ACKR2: variants seen among roughly 807,000 people sequenced by gnomAD.
ACKR2 encodes the protein C-C chemokine receptor D6.
For missense variants in ACKR2, 457 were observed against 477.3 expected (o/e 0.96, Z 0.40); for synonymous variants, 207 against 192.2 (o/e 1.08, Z -0.64).
At chr3:42,846,699 T>C (rs1701101376) in intron 2 of ACKR2, among the ~76,000 whole-genome samples, 2 of 152,126 alleles carry the variant, frequency 1.3e-5, no homozygotes, top group African/African-American at 4.8e-5. Flanking sequence ...GGTGGAGTCT[T>C]TGTATAAGAA....
chr3:42,840,696 G>GT (rs1361986540), intron 2 of ACKR2, among the ~76,000 whole-genome samples: 1 of 151,950 alleles, frequency 6.6e-6, no homozygotes, highest in African/African-American at 2.4e-5. Context: ...GTTTTGTTTT[G>GT]TTTTTTGTTG....
rs968834956 is a variant in ACKR2 at position 42,813,870 on chromosome 3, G to A, written c.-119+4338G>A. Among the ~76,000 whole-genome samples the A allele has an allele frequency of 2.6e-5, 4 of 152,328 alleles. No individual in the cohort carries two copies. The East Asian group carries it at 7.7e-4, about 29-fold the overall frequency. ...GATGGAATTTGTTCCATGGTGAGCT[G>A]TTTTTAAGTTTTCGCAGTATCATTA... is the stretch of plus-strand genomic sequence containing the variant. On this transcript the variant is annotated intron_variant, in intron 1 of 2. Transcript: ENST00000422265.
rs1489578142 is a variant in ACKR2 at position 42,865,568 on chromosome 3, C to G, written c.1066C>G (p.Gln356Glu). The change falls in exon 3 of 3, where the codon CAA becomes GAA. Residue 356 changes from glutamine to glutamate, a missense_variant. Transcript: ENST00000422265. ...SCSESSILTA[Q>E]EEMTGMNDLG... ...TTCTGAGAGCAGCATACTTACTGCCCAAGAGGAAATGACTGGCATGAATGA... is the reference window on the plus strand; with the variant it reads ...TTCTGAGAGCAGCATACTTACTGCCGAAGAGGAAATGACTGGCATGAATGA... 6.2e-7 allele frequency: 1 copy of G among 1,614,138 alleles called. No homozygotes were observed. The highest frequency in any genetic ancestry group is 1.7e-5 in the Admixed American group (1 of 60,020).
intron 2 of ACKR2, among the ~76,000 whole-genome samples, chr3:42,836,911 G>T (rs1700991951): frequency 6.6e-6 from 1 of 152,226 alleles, no homozygotes; most frequent in East Asian, 1.9e-4. Flanking sequence ...CTACCAGGAA[G>T]GTCCTTCTTC....
At chr3:42,833,898 T>C (rs888880891) in intron 2 of ACKR2, among the ~76,000 whole-genome samples, 7 of 152,226 alleles carry the variant, frequency 4.6e-5, no homozygotes, top group African/African-American at 1.7e-4. Context: ...ACAGGATGTG[T>C]TCACTTTGTG....
Position 42,831,030 on chromosome 3 carries a change from CAAA to C in ACKR2, c.-38+11325_-38+11327del, listed in dbSNP as rs201837698. On this transcript the variant is annotated intron_variant, in intron 2 of 2. Coordinates refer to ENST00000422265, the MANE Select transcript of ACKR2 (RefSeq NM_001296.5). ...TAATTTTCTGAAATTAAACTTCAGG[CAAA>C]AAAAATAAAAAAAAAGAGAAGAAAA... Among the ~76,000 whole-genome samples, 5 of 146,280 alleles carry C rather than the reference CAAA, an allele frequency of 3.4e-5. No homozygotes were observed. In the East Asian group the frequency reaches 9.8e-4, roughly 29 times the overall value.
intron 1 of ACKR2, among the ~76,000 whole-genome samples, chr3:42,816,188 T>TTGTG (rs1700747240): frequency 1.0e-5 from 1 of 99,786 alleles, no homozygotes; most frequent in African/African-American, 4.3e-5. Context: ...ATTGATAGTT[T>TTGTG]CGTGTGTGTG....
At chr3:42,836,595 G>T (rs952210243) in intron 2 of ACKR2, among the ~76,000 whole-genome samples, 1 of 152,210 alleles carries the variant, frequency 6.6e-6, no homozygotes, top group East Asian at 1.9e-4. Flanking sequence ...ACTCTGTGGG[G>T]CTCTAGACCA....
intron 2 of ACKR2, among the ~76,000 whole-genome samples, chr3:42,847,092 C>T (rs955474601): frequency 5.3e-5 from 8 of 152,184 alleles, no homozygotes; most frequent in Non-Finnish European, 1.0e-4. Flanking sequence ...CCTGGCCTAA[C>T]CCACAAAGCA....
At chr3:42,849,753 CTG>C (rs1189126950) in intron 2 of ACKR2, among the ~76,000 whole-genome samples, 5 of 152,156 alleles carry the variant, frequency 3.3e-5, no homozygotes, top group African/African-American at 9.7e-5. Flanking sequence ...GGCTGAAACT[CTG>C]TAATTGGCAC....
chr3:42,849,430 A>T (rs1258034315), intron 2 of ACKR2, among the ~76,000 whole-genome samples: 2 of 152,090 alleles, frequency 1.3e-5, no homozygotes, highest in Admixed American at 1.3e-4. Context: ...CCTGGGAGGC[A>T]CAGGTTGCAG....
At chr3:42,840,854 A>AT (rs1431676211) in intron 2 of ACKR2, among the ~76,000 whole-genome samples, 3 of 151,956 alleles carry the variant, frequency 2.0e-5, no homozygotes, top group African/African-American at 4.8e-5. Context: ...CGTCTGGCTA[A>AT]TTTTTTTGTA....
chr3:42,823,892 T>G (rs1700835526), intron 2 of ACKR2, among the ~76,000 whole-genome samples: 1 of 152,182 alleles, frequency 6.6e-6, no homozygotes, highest in African/African-American at 2.4e-5. Flanking sequence ...TAGATCTGAG[T>G]TTTAGAACAC....
chr3:42,822,022 C>T (rs374970811), intron 2 of ACKR2, among the ~76,000 whole-genome samples: 2 of 152,064 alleles, frequency 1.3e-5, no homozygotes, highest in East Asian at 1.9e-4. Flanking sequence ...TCTTCTCTTT[C>T]CCCTGTCAGA....
At chr3:42,836,929 C>G (rs947217078) in intron 2 of ACKR2, among the ~76,000 whole-genome samples, 1 of 152,256 alleles carries the variant, frequency 6.6e-6, no homozygotes, top group Non-Finnish European at 1.5e-5. Flanking sequence ...TTCCCCACCT[C>G]TGATCACCGT....
chr3:42,854,150 T>C (rs764888198), intron 2 of ACKR2, among the ~76,000 whole-genome samples: 41 of 152,066 alleles, frequency 2.7e-4, no homozygotes, highest in Non-Finnish European at 4.9e-4. Context: ...TTGGTCAAGC[T>C]CTGTGGGGGC....
chr3:42,857,069 C>T (rs1203148500), intron 2 of ACKR2, among the ~76,000 whole-genome samples: 7 of 151,972 alleles, frequency 4.6e-5, no homozygotes, highest in African/African-American at 1.7e-4. Context: ...CTCCATGGTC[C>T]ACCCCAATCC....
chr3:42,855,142 C>G (rs913428325), intron 2 of ACKR2, among the ~76,000 whole-genome samples: 1 of 152,118 alleles, frequency 6.6e-6, no homozygotes, highest in Non-Finnish European at 1.5e-5. Context: ...CAAGCATGAG[C>G]CACCACACCC....
Position 42,864,960 on chromosome 3 carries a change from A to G in ACKR2, c.458A>G (p.His153Arg). The G allele has an allele frequency of 6.2e-7, 1 of 1,614,134 alleles. No individual in the cohort carries two copies. The highest frequency in any genetic ancestry group is 8.5e-7 in the Non-Finnish European group (1 of 1,180,032). The part of the protein sequence containing the change: ...YLEIVHAQPY[H>R]RLRTRAKSLL... ...GAGATCGTTCATGCTCAGCCCTACCACAGGCTGAGGACCCGGGCCAAGAGC... is the reference window on the plus strand; with the variant it reads ...GAGATCGTTCATGCTCAGCCCTACCGCAGGCTGAGGACCCGGGCCAAGAGC... The change falls in exon 3 of 3, where the codon CAC becomes CGC. Residue 153 changes from histidine (H) to arginine (R), a missense_variant. Coordinates refer to ENST00000422265, the MANE Select transcript of ACKR2 (RefSeq NM_001296.5).
Sources: gnomAD v4.1 joint callset for allele counts (sites outside exome capture counted in the v4.1 genomes callset) on GRCh38, gnomAD v4.1.1 for gene constraint, MANE v1.5 for transcripts, NCBI Gene and HGNC (gene_info 2026-07-23, HGNC 2026-07-21) for gene names.